ARIH2: variants seen among roughly 807,000 people sequenced by gnomAD.
ARIH2 encodes E3 ubiquitin-protein ligase ARIH2.
A neutral mutation model predicts 79.8 loss-of-function variants in ARIH2; 12 were observed. That is an observed-to-expected ratio of 0.15 (90% CI 0.10 to 0.24). ARIH2 has a LOEUF of 0.24. ARIH2 is among the 10% of genes least tolerant of loss of function. The probability of loss-of-function intolerance (pLI) is 1.00; values close to 1 mark genes in which losing one functional copy is unlikely to be tolerated. For missense variants in ARIH2, 301 were observed against 618.3 expected (o/e 0.49, Z 5.44); for synonymous variants, 224 against 213.9 (o/e 1.05, Z -0.41).
chr3:48,939,267 A>G (rs1163907849), intron 3 of ARIH2, among the ~76,000 whole-genome samples: 1 of 151,810 alleles, frequency 6.6e-6, no homozygotes, highest in African/African-American at 2.4e-5. Context: ...CAAAACCTTT[A>G]TTTTTAAGAA....
At chr3:48,940,808 A>ATATATAT (rs1553702241) in intron 3 of ARIH2, among the ~76,000 whole-genome samples, 74 of 98,062 alleles carry the variant, frequency 7.5e-4, no homozygotes, top group East Asian at 1.5e-3. Context: ...AAAAAAAAAA[A>ATATATAT]ATATATATAT....
chr3:48,980,083 T>G, intron 12 of ARIH2: 1 of 327,900 alleles, frequency 3.0e-6, no homozygotes, highest in Non-Finnish European at 5.6e-6. Context: ...TCTCTAAGCA[T>G]AGTAGACCAT....
chr3:48,927,317 T>G, intron 2 of ARIH2, 145 bp from the exon 3 acceptor site: 1 of 474,816 alleles, frequency 2.1e-6, no homozygotes. Flanking sequence ...AGGGGGATGA[T>G]AGTAAGATTC....
chr3:48,959,174 G>C (rs942948338), intron 3 of ARIH2, among the ~76,000 whole-genome samples: 9 of 151,264 alleles, frequency 5.9e-5, no homozygotes, highest in Non-Finnish European at 1.3e-4. Context: ...AAATTAGCCC[G>C]GTGTGGTGGT....
At chr3:48,974,562 C>CA in intron 9 of ARIH2, 1 of 557,820 alleles carries the variant, frequency 1.8e-6, no homozygotes, top group Non-Finnish European at 3.2e-6. Flanking sequence ...TGAGTAGCTT[C>CA]ATGGCAGGGG....
intron 13 of ARIH2, among the ~76,000 whole-genome samples, 173 bp from the exon 14 acceptor site, chr3:48,981,487 C>T (rs925140221): frequency 3.9e-5 from 6 of 151,962 alleles, no homozygotes; most frequent in Admixed American, 2.6e-4. Context: ...TTGTTTTTTC[C>T]CTCATGTCTT....
intron 4 of ARIH2, among the ~76,000 whole-genome samples, 154 bp from the exon 5 acceptor site, chr3:48,964,765 A>G (rs544314731): frequency 2.0e-5 from 3 of 152,128 alleles, no homozygotes; most frequent in Admixed American, 6.5e-5. Context: ...CTGTCTTGAG[A>G]AAAAAAGTCT....
At position 48,963,556 on chromosome 3, in the gene ARIH2, A is replaced by C. The variant is rs576944079; in HGVS notation, c.324-1363A>C. On this transcript the variant is annotated intron_variant, in intron 4 of 15. Coordinates refer to ENST00000356401, the MANE Select transcript of ARIH2 (RefSeq NM_006321.4). ...TTGCCACTTGATAATTCTGTTATAA[A>C]TGGAAAATTATTGTAGGTAACTCTT... Among the ~76,000 whole-genome samples the C allele has an allele frequency of 5.3e-5, 8 of 152,320 alleles. No homozygotes were observed. The South Asian group carries it at 1.7e-3, about 32-fold the overall frequency.
chr3:48,958,980 C>T (rs946820899), intron 3 of ARIH2, among the ~76,000 whole-genome samples: 4 of 152,050 alleles, frequency 2.6e-5, no homozygotes, highest in Non-Finnish European at 4.4e-5. Flanking sequence ...TGCCACTGCA[C>T]TCCAGCCTGG....
intron 3 of ARIH2, among the ~76,000 whole-genome samples, chr3:48,961,026 C>T (rs1193624055): frequency 2.6e-5 from 4 of 152,150 alleles, no homozygotes; most frequent in African/African-American, 9.7e-5. Flanking sequence ...CTTTAAATGT[C>T]CCCTGAGAGC....
At chr3:48,925,433 T>C (rs909281711) in intron 2 of ARIH2, among the ~76,000 whole-genome samples, 1 of 128,950 alleles carries the variant, frequency 7.8e-6, no homozygotes, top group African/African-American at 2.8e-5. Context: ...TTTTTTTTTT[T>C]AAATGTGTTG....
chr3:48,951,731 A>G (rs2089984658), intron 3 of ARIH2, among the ~76,000 whole-genome samples: 2 of 151,990 alleles, frequency 1.3e-5, no homozygotes, highest in Non-Finnish European at 2.9e-5. Context: ...ACATTTTCTT[A>G]TTTTCCCTTT....
At chr3:48,962,052 A>G (rs2091323661) in intron 4 of ARIH2, among the ~76,000 whole-genome samples, 1 of 152,172 alleles carries the variant, frequency 6.6e-6, no homozygotes, top group South Asian at 2.1e-4. Context: ...TGAGGATTGT[A>G]TCATAGTACG....
At chr3:48,953,929 C>T (rs1397822180) in intron 3 of ARIH2, among the ~76,000 whole-genome samples, 2 of 151,746 alleles carry the variant, frequency 1.3e-5, no homozygotes, top group African/African-American at 2.4e-5. Context: ...TTTGGGAGGC[C>T]GAAGCGGGTG....
rs187630254 is a variant in ARIH2, at chr3:48,977,042, A to G, written c.961+2063A>G. Among the ~76,000 whole-genome samples, 15 of 152,222 alleles carry G rather than the reference A, an allele frequency of 9.9e-5. No individual in the cohort carries two copies. The South Asian group carries it at 2.7e-3, about 27-fold the overall frequency. On this transcript the variant is annotated intron_variant, in intron 11 of 15. Coordinates refer to ENST00000356401, the MANE Select transcript of ARIH2 (RefSeq NM_006321.4). The stretch of plus-strand genomic sequence containing the variant: ...GGTGAAACCCCATCTCTACTAAAAA[A>G]AAATACAAAATTAGCCAGGCGCAAT...
At chr3:48,920,002 G>T (rs1396757192) in intron 1 of ARIH2, among the ~76,000 whole-genome samples, 5 of 149,582 alleles carry the variant, frequency 3.3e-5, no homozygotes, top group Non-Finnish European at 7.4e-5. Flanking sequence ...TTTGGTGGGC[G>T]GGACAAAGTT....
At chr3:48,920,056 T>A (rs1009220456) in intron 1 of ARIH2, among the ~76,000 whole-genome samples, 3 of 150,538 alleles carry the variant, frequency 2.0e-5, no homozygotes, top group African/African-American at 7.3e-5. Context: ...CACAGCTAAC[T>A]GCAGCCCCGA....
rs11353326 is a variant in ARIH2 at position 48,941,171 on chromosome 3, CAA to C, written c.255+13375_255+13376del. ...TGGGTGACAGAGCAAGACTCCGTCT[CAA>C]AAAAAAAAAAAAAAAATTTGTGCCT... On this transcript the variant is annotated intron_variant, in intron 3 of 15. Transcript: ENST00000356401. Among the ~76,000 whole-genome samples, 638 of 131,990 alleles carry C rather than the reference CAA, an allele frequency of 4.8e-3. 5 individuals are homozygous for C. Among genetic ancestry groups the C allele is most frequent in the African/African-American group, 0.012 (419 of 35,368 alleles). The allele number at this position is 131,990 out of a possible 152,430, so 86.6% of individuals were successfully genotyped here. A position where few individuals can be genotyped will look rare whatever the true frequency, so the allele number is the denominator to read the frequency against.
chr3:48,920,492 C>CTT (rs1242750147), intron 1 of ARIH2, among the ~76,000 whole-genome samples: 27 of 40,976 alleles, frequency 6.6e-4, no homozygotes, highest in Non-Finnish European at 8.6e-4. Context: ...TGAGCAATTT[C>CTT]TTTTTTTTTT....
Sources: allele counts gnomAD v4.1 joint callset (sites outside exome capture counted in the v4.1 genomes callset), GRCh38; gene constraint gnomAD v4.1.1; transcripts MANE v1.5; gene names NCBI Gene and HGNC (gene_info 2026-07-23, HGNC 2026-07-21).